TCF4: variants seen among roughly 807,000 people sequenced by gnomAD.
TCF4 encodes the protein transcription factor 4.
Under a neutral mutation model 82.1 loss-of-function variants are expected in TCF4, and 3 were observed. That is an observed-to-expected ratio of 0.04 (90% CI 0.02 to 0.09). TCF4 has a LOEUF of 0.09. Ranked by LOEUF, TCF4 falls within the 10% of genes least tolerant of loss-of-function variation. The pLI, the probability that TCF4 is intolerant of heterozygous loss-of-function variation, is 1.00. For missense variants in TCF4, 518 were observed against 852.7 expected (o/e 0.61, Z 4.89); for synonymous variants, 276 against 309.6 (o/e 0.89, Z 1.14).
At chr18:55,444,860 T>C (rs907572945) in intron 5 of TCF4, among the ~76,000 whole-genome samples, 16 of 152,166 alleles carry the variant, frequency 1.1e-4, no homozygotes, top group African/African-American at 3.4e-4. Context: ...ATTCTACATC[T>C]TAACAAATGG....
chr18:55,461,201 C>A (rs1187143109), intron 4 of TCF4, 86 bp from the exon 5 acceptor site: 1 of 1,135,588 alleles, frequency 8.8e-7, no homozygotes, highest in Non-Finnish European at 1.3e-6. Flanking sequence ...AAAACTTCTC[C>A]CCTCCAAAGA....
intron 15 of TCF4, among the ~76,000 whole-genome samples, chr18:55,239,690 G>A (rs72925018): frequency 0.23 from 35,435 of 152,066 alleles, 4,459 homozygotes; most frequent in East Asian, 0.32. Flanking sequence ...TATTTGCCAC[G>A]ATCCCTCCAA....
chr18:55,401,506 A>C, intron 6 of TCF4: 1 of 989,858 alleles, frequency 1.0e-6, no homozygotes, highest in Non-Finnish European at 1.2e-6. Flanking sequence ...GAACCTCCCA[A>C]GGCCCAGAAA....
At chr18:55,532,322 C>T (rs2097072840) in intron 3 of TCF4, among the ~76,000 whole-genome samples, 1 of 152,146 alleles carries the variant, frequency 6.6e-6, no homozygotes, top group African/African-American at 2.4e-5. Flanking sequence ...GCTAGATCCC[C>T]AATCCTTAAA....
At chr18:55,296,718 T>C (rs1336613022) in intron 8 of TCF4, among the ~76,000 whole-genome samples, 1 of 152,198 alleles carries the variant, frequency 6.6e-6, no homozygotes, top group Non-Finnish European at 1.5e-5. Context: ...TCTAAAATGG[T>C]CTGAGGTGAA....
At chr18:55,572,480 C>T (rs2097482802) in intron 3 of TCF4, among the ~76,000 whole-genome samples, 2 of 152,006 alleles carry the variant, frequency 1.3e-5, no homozygotes, top group African/African-American at 2.4e-5. Context: ...GAATGTTAGC[C>T]AGGATTTGTA....
At chr18:55,481,103 CAAAAAAAAAA>C (rs74180501) in intron 3 of TCF4, among the ~76,000 whole-genome samples, 2 of 80,566 alleles carry the variant, frequency 2.5e-5, no homozygotes, top group Admixed American at 1.5e-4. Flanking sequence ...GACTCCATCT[CAAAAAAAAAA>C]AAAAAAAAAA....
At chr18:55,475,191 T>A (rs1438961321) in intron 3 of TCF4, among the ~76,000 whole-genome samples, 1 of 152,224 alleles carries the variant, frequency 6.6e-6, no homozygotes, top group Non-Finnish European at 1.5e-5. Flanking sequence ...GAATTGTCTA[T>A]CTCTTTTATC....
At chr18:55,588,245 G>A (rs2097671952), upstream of TCF4, 20 of 1,419,182 alleles carry the variant, frequency 1.4e-5, no homozygotes, top group Non-Finnish European at 1.7e-5. Flanking sequence ...TCTCCGGGGA[G>A]GGGAGGGGAC....
At chr18:55,635,119 A>G (rs1282061448) in intron 1 of TCF4, among the ~76,000 whole-genome samples, 1 of 152,192 alleles carries the variant, frequency 6.6e-6, no homozygotes, top group Non-Finnish European at 1.5e-5. Flanking sequence ...AATACTGAGA[A>G]GCAGCCAACT....
At chr18:55,541,899 C>T (rs1310652966) in intron 3 of TCF4, among the ~76,000 whole-genome samples, 1 of 151,848 alleles carries the variant, frequency 6.6e-6, no homozygotes, top group African/African-American at 2.4e-5. Flanking sequence ...ATATACAGTT[C>T]CTCTCATGCT....
At chr18:55,385,691 G>A (rs1009898851) in intron 6 of TCF4, among the ~76,000 whole-genome samples, 10 of 152,200 alleles carry the variant, frequency 6.6e-5, no homozygotes, top group Non-Finnish European at 1.2e-4. Context: ...ATGAGCCACC[G>A]CGGCCAGGTA....
At chr18:55,259,168 G>C (rs549677657) in intron 13 of TCF4, among the ~76,000 whole-genome samples, 11 of 152,218 alleles carry the variant, frequency 7.2e-5, no homozygotes, top group African/African-American at 2.6e-4. Flanking sequence ...ATTACAGTAA[G>C]GTAAGGTTTC....
At position 55,342,588 on chromosome 18, in the gene TCF4, T is replaced by A. The variant is rs1489806794; in HGVS notation, c.549+7771A>T. On this transcript the variant is annotated intron_variant, in intron 8 of 19. Coordinates refer to ENST00000354452, the MANE Select transcript of TCF4 (RefSeq NM_001083962.2). ...AATCAGGCCATAAACATTCTCCTAA[T>A]AAATTTCAGCTTTAGTAGTAACGCA... 2.0e-5 allele frequency among the ~76,000 whole-genome samples: 3 copies of A among 152,186 alleles called. No individual in the cohort carries two copies. The East Asian group carries it at 5.8e-4, about 29-fold the overall frequency.
At chr18:55,545,401 T>G (rs530968907) in intron 3 of TCF4, among the ~76,000 whole-genome samples, 1 of 152,274 alleles carries the variant, frequency 6.6e-6, no homozygotes, top group South Asian at 2.1e-4. Context: ...GTTATCCCAT[T>G]CACTTGTTTT....
intron 6 of TCF4, among the ~76,000 whole-genome samples, chr18:55,397,550 T>C (rs2093572597): frequency 1.3e-5 from 2 of 152,074 alleles, no homozygotes. Context: ...TAAAAAAGAA[T>C]ACAAATAGAG....
At chr18:55,403,799 CCTT>C in intron 5 of TCF4, 1 of 1,505,858 alleles carries the variant, frequency 6.6e-7, no homozygotes. Context: ...AATCGTAACT[CCTT>C]ATTTTCACTT....
intron 6 of TCF4, chr18:55,401,212 T>C: frequency 8.3e-7 from 1 of 1,203,210 alleles, no homozygotes; most frequent in South Asian, 1.5e-5. Context: ...AAATTCATAC[T>C]CTGTACATTT....
chr18:55,312,153 T>C (rs1341333893), intron 8 of TCF4, among the ~76,000 whole-genome samples: 2 of 152,216 alleles, frequency 1.3e-5, no homozygotes, highest in South Asian at 2.1e-4. Context: ...AACAGGAAAA[T>C]ATCTTAATGT....
Sources: allele counts gnomAD v4.1 joint callset (sites outside exome capture counted in the v4.1 genomes callset), GRCh38; gene constraint gnomAD v4.1.1; transcripts MANE v1.5; gene names NCBI Gene and HGNC (gene_info 2026-07-23, HGNC 2026-07-21).